Variants in C19orf47 observed in about 807,000 individuals in gnomAD.
C19orf47 encodes the protein chromosome 19 open reading frame 47, also known as uncharacterized protein C19orf47.
Under a neutral mutation model 32.3 loss-of-function variants are expected in C19orf47, and 18 were observed. The ratio of observed to expected loss-of-function variants is 0.56; its 90% confidence interval spans 0.39 to 0.83. The LOEUF (loss-of-function observed/expected upper bound fraction) is 0.83. C19orf47 is among the 40% of genes least tolerant of loss of function. The pLI is 0.00. For synonymous variants in C19orf47, 202 were observed against 211.1 expected, an observed-to-expected ratio of 0.96 and a Z score of 0.37; for missense variants, 484 against 531.6, an observed-to-expected ratio of 0.91 and a Z score of 0.88.
At chr19:40,338,975 T>C (rs963178932) in intron 2 of C19orf47, 3 of 152,212 alleles carry the variant, frequency 2.0e-5, no homozygotes, top group Admixed American at 6.5e-5. Flanking sequence ...ACTAAGCTGT[T>C]ATTAAGGGGA....
At chr19:40,304,406 G>T in the C19orf47 span, among the ~76,000 whole-genome samples, 1 of 152,086 alleles carries the variant, frequency 6.6e-6, no homozygotes, top group Non-Finnish European at 1.5e-5. Context: ...CCCTCCCCAG[G>T]AATCTTCTCA....
At position 40,319,699 on chromosome 19, in the gene C19orf47, G is replaced by A. The variant is rs545484091; in HGVS notation, c.*2183C>T. ...ATTACAGGCACCTGTCACCACACCC[G>A]GCTAATTTTTGTATTTTTAGTAGAG... is the stretch of plus-strand genomic sequence containing the variant. On this transcript the variant is annotated 3_prime_UTR_variant, in exon 9 of 9. Transcript: ENST00000683109. The A allele has an allele frequency of 2.5e-3, 385 of 152,638 alleles. 7 individuals are homozygous for A. The highest frequency in any genetic ancestry group is 7.2e-4 in the Non-Finnish European group (49 of 67,996). The allele number at this position is 152,638 out of a possible 1,614,324, so 9.5% of individuals were successfully genotyped here. A position where few individuals can be genotyped will look rare whatever the true frequency, so the allele number is the denominator to read the frequency against.
intron 5 of C19orf47, among the ~76,000 whole-genome samples, chr19:40,330,070 T>C (rs1200562822): frequency 2.6e-4 from 39 of 152,150 alleles, no homozygotes; most frequent in Admixed American, 2.6e-3. Context: ...AAAGAACTGT[T>C]CTCTTTCCCA....
chr19:40,298,950 A>G, the C19orf47 span, among the ~76,000 whole-genome samples: 45 of 59,070 alleles, frequency 7.6e-4, no homozygotes, highest in South Asian at 0.028. Flanking sequence ...TGAATTTATT[A>G]TGTCTTAAAA....
the C19orf47 span, among the ~76,000 whole-genome samples, chr19:40,314,201 G>A: frequency 6.6e-6 from 1 of 152,296 alleles, no homozygotes; most frequent in East Asian, 1.9e-4. Flanking sequence ...GCTGAGGCGG[G>A]CAGATCAACT....
rs573954881 is a variant in C19orf47, at chr19:40,334,204, T to G, written c.223-275A>C. Among the ~76,000 whole-genome samples, 16 of 152,130 alleles carry G rather than the reference T, an allele frequency of 1.1e-4. 1 individual carries two copies. The South Asian group carries it at 3.3e-3, about 32-fold the overall frequency. On this transcript the variant is annotated intron_variant, in intron 4 of 8. Transcript: ENST00000683109. Reference sequence around the variant, plus strand: ...TGGTTCACGCCTGTAATCCCAGCACTTCGGGAGGCCGAAGCGGGTGGATCA... The same window carrying G: ...TGGTTCACGCCTGTAATCCCAGCACGTCGGGAGGCCGAAGCGGGTGGATCA...
At position 40,321,746 on chromosome 19, in the gene C19orf47, G is replaced by A. The variant is rs916827111; in HGVS notation, c.*136C>T. ...AAATGGGGTGATCCCCCGAATGCTCGGGCCTAGCTCTAGAGCCCGAGGGAG... is the reference window on the plus strand; with the variant it reads ...AAATGGGGTGATCCCCCGAATGCTCAGGCCTAGCTCTAGAGCCCGAGGGAG... On this transcript the variant is annotated 3_prime_UTR_variant, in exon 9 of 9. Transcript: ENST00000683109. The A allele has an allele frequency of 4.7e-5, 68 of 1,432,174 alleles. 1 individual carries two copies. In the Middle Eastern group the frequency reaches 1.8e-3, roughly 38 times the overall value. The allele number at this position is 1,432,174 out of a possible 1,614,324, so 88.7% of individuals were successfully genotyped here. A position where few individuals can be genotyped will look rare whatever the true frequency, so the allele number is the denominator to read the frequency against.
At position 40,324,013 on chromosome 19, in the gene C19orf47, CCT is replaced by C. The variant is rs1249535241; in HGVS notation, c.654_655del (p.Gly219GlufsTer2). On this transcript the variant is annotated frameshift_variant, in exon 8 of 9. Coordinates refer to ENST00000683109, the MANE Select transcript of C19orf47 (RefSeq NM_001256441.2). LOFTEE classifies it high-confidence loss of function. ...TCCCCCATCCCCACTCACTTTACTC[CCT>C]GTCGTGGTGTCTGCCTTGGTCTCGG... is the stretch of plus-strand genomic sequence containing the variant. The C allele has an allele frequency of 1.9e-6, 3 of 1,614,126 alleles. No individual in the cohort carries two copies. The highest frequency in any genetic ancestry group is 1.3e-5 in the African/African-American group (1 of 74,940).
In C19orf47 at chr19:40,321,888, G is replaced by A; in HGVS notation, c.1152C>T (p.Thr384=). 6.3e-7 allele frequency: 1 copy of A among 1,588,272 alleles called. No homozygotes were observed. Among genetic ancestry groups the A allele is most frequent in the Admixed American group, 1.8e-5 (1 of 56,894 alleles). The change falls in exon 9 of 9, where the codon ACC becomes ACT. Residue 384 remains threonine (T), a synonymous_variant. Coordinates refer to ENST00000683109, the MANE Select transcript of C19orf47 (RefSeq NM_001256441.2). Reference sequence around the variant, plus strand: ...CACCCCGCCCACAGGTGGGCTAGAAGGTCCTGCGGCCCAGTCTTTTGAACA... The same window carrying A: ...CACCCCGCCCACAGGTGGGCTAGAAAGTCCTGCGGCCCAGTCTTTTGAACA... ...VSVFKRLGRR[T]F is the part of the protein sequence containing the mutation.
At chr19:40,311,269 C>T in the C19orf47 span, among the ~76,000 whole-genome samples, 8 of 151,944 alleles carry the variant, frequency 5.3e-5, no homozygotes, top group Admixed American at 3.9e-4. Flanking sequence ...ATCTCAGCTA[C>T]TTGGGAGGCT....
chr19:40,335,032 G>C (rs1156279376), intron 4 of C19orf47: 1 of 135,784 alleles, frequency 7.4e-6, no homozygotes. Flanking sequence ...AAGGGAAGGA[G>C]GGAAGGAGGG....
At chr19:40,311,154 A>C in the C19orf47 span, among the ~76,000 whole-genome samples, 1 of 152,202 alleles carries the variant, frequency 6.6e-6, no homozygotes, top group Non-Finnish European at 1.5e-5. Context: ...AGGCGGGCGG[A>C]TCACCTGAGG....
intron 2 of C19orf47, among the ~76,000 whole-genome samples, chr19:40,340,637 T>G (rs2078158378): frequency 6.7e-6 from 1 of 149,112 alleles, no homozygotes. Context: ...GCGGAGATCA[T>G]GCCACTGCAC....
chr19:40,348,236 A>T, intron 1 of C19orf47, 88 bp downstream of exon 1: 1 of 912,380 alleles, frequency 1.1e-6, no homozygotes, highest in Non-Finnish European at 1.5e-6. Context: ...AAGCCGTACA[A>T]CGGAGCCCGA....
the C19orf47 span, chr19:40,299,395 C>T: frequency 2.0e-5 from 3 of 152,048 alleles, no homozygotes; most frequent in Admixed American, 6.6e-5. Flanking sequence ...CTCTGGTAAC[C>T]AGACTAATTA....
At chr19:40,307,089 CTTTTTTTTTTTTTTTT>C in the C19orf47 span, among the ~76,000 whole-genome samples, 1 of 64,860 alleles carries the variant, frequency 1.5e-5, no homozygotes, top group African/African-American at 6.1e-5. Context: ...GCGCCCGGCC[CTTTTTTTTTTTTTTTT>C]TTTTTTTTTT....
At chr19:40,323,976 G>A (rs1014288338) in intron 8 of C19orf47, 30 bp downstream of exon 8, 41 of 1,613,306 alleles carry the variant, frequency 2.5e-5, no homozygotes, top group Middle Eastern at 3.3e-4. Flanking sequence ...CAGCTCGCAC[G>A]CCCAGAATCG....
the C19orf47 span, among the ~76,000 whole-genome samples, chr19:40,293,759 C>T: frequency 3.9e-5 from 6 of 152,036 alleles, no homozygotes; most frequent in African/African-American, 1.2e-4. Flanking sequence ...TCACCATGCT[C>T]GGCCTTTTGC....
chr19:40,322,871 C>T (rs962099846), intron 8 of C19orf47, among the ~76,000 whole-genome samples: 15 of 152,298 alleles, frequency 9.8e-5, no homozygotes, highest in African/African-American at 3.6e-4. Context: ...GGCTTGGCAT[C>T]AGAAATGACA....
Sources: gnomAD v4.1 joint callset for allele counts (sites outside exome capture counted in the v4.1 genomes callset) on GRCh38, gnomAD v4.1.1 for gene constraint, MANE v1.5 for transcripts, NCBI Gene and HGNC (gene_info 2026-07-23, HGNC 2026-07-21) for gene names.